Variants in GPC5 observed in about 807,000 individuals in gnomAD.
The protein encoded by GPC5 is glypican-5.
A neutral mutation model predicts 53.9 loss-of-function variants in GPC5; 47 were observed. The observed-to-expected ratio is 0.87, with a 90% confidence interval of 0.69 to 1.11. The LOEUF is 1.11. Among genes scored for constraint, GPC5 ranks in the 50% most tolerant of loss-of-function variants. The pLI, the probability that GPC5 is intolerant of heterozygous loss-of-function variation, is 0.00. For missense variants in GPC5, 748 were observed against 713.1 expected (o/e 1.05, Z -0.56); for synonymous variants, 286 against 263.3 (o/e 1.09, Z -0.84).
chr13:92,494,863 T>G (rs1879911048), intron 7 of GPC5, among the ~76,000 whole-genome samples: 2 of 152,192 alleles, frequency 1.3e-5, no homozygotes, highest in African/African-American at 4.8e-5. Context: ...TTTCTTCCTA[T>G]CAACCAAAAT....
At chr13:91,548,896 C>T (rs965231684) in intron 2 of GPC5, among the ~76,000 whole-genome samples, 2 of 152,096 alleles carry the variant, frequency 1.3e-5, no homozygotes, top group Non-Finnish European at 2.9e-5. Context: ...TGGACATCCA[C>T]ATGTGGAAAA....
intron 3 of GPC5, among the ~76,000 whole-genome samples, chr13:91,695,470 T>G (rs113633576): frequency 4.6e-5 from 7 of 152,222 alleles, no homozygotes; most frequent in African/African-American, 1.7e-4. Context: ...GCCTTCCGGG[T>G]TCATGCCATT....
chr13:92,064,452 T>A (rs993412450), intron 6 of GPC5, among the ~76,000 whole-genome samples: 9 of 152,064 alleles, frequency 5.9e-5, no homozygotes, highest in Non-Finnish European at 8.8e-5. Flanking sequence ...AGGAGAAGCT[T>A]AGAGATTTTA....
intron 7 of GPC5, among the ~76,000 whole-genome samples, chr13:92,259,828 A>G (rs926277289): frequency 6.6e-6 from 1 of 152,184 alleles, no homozygotes; most frequent in Non-Finnish European, 1.5e-5. Flanking sequence ...GTAACCCTGC[A>G]GATCAGAAAT....
At chr13:92,806,445 A>G (rs1413970775) in intron 7 of GPC5, among the ~76,000 whole-genome samples, 8 of 152,008 alleles carry the variant, frequency 5.3e-5, no homozygotes, top group Non-Finnish European at 2.9e-5. Flanking sequence ...ATTTCCTTCA[A>G]GGACTTTTCC....
intron 1 of GPC5, among the ~76,000 whole-genome samples, chr13:91,430,029 G>A (rs1411601596): frequency 1.3e-5 from 2 of 152,092 alleles, no homozygotes; most frequent in Non-Finnish European, 2.9e-5. Flanking sequence ...TAGGGAACAG[G>A]CCAAAATGCT....
At chr13:92,307,441 G>A (rs1419498199) in intron 7 of GPC5, among the ~76,000 whole-genome samples, 1 of 152,162 alleles carries the variant, frequency 6.6e-6, no homozygotes, top group Non-Finnish European at 1.5e-5. Flanking sequence ...GCAATAGTTG[G>A]AGACTCTGTC....
In GPC5 at chr13:91,695,500, C is replaced by T. The variant is rs9589337; in HGVS notation, c.1020+1619C>T. Among the ~76,000 whole-genome samples the T allele has an allele frequency of 6.5e-3, 993 of 152,114 alleles. 9 individuals are homozygous for T. Among genetic ancestry groups the T allele is most frequent in the African/African-American group, 0.023 (946 of 41,518 alleles). On this transcript the variant is annotated intron_variant, in intron 3 of 7. Coordinates refer to ENST00000377067, the MANE Select transcript of GPC5 (RefSeq NM_004466.6). ...GCCATTCTCCCGCCTCAGCCTCCCA[C>T]GTAGCTGGGACTACAGGTGCCCACT...
At chr13:92,088,930 A>G (rs954007286) in intron 6 of GPC5, among the ~76,000 whole-genome samples, 20 of 152,162 alleles carry the variant, frequency 1.3e-4, no homozygotes, top group Middle Eastern at 3.2e-3. Flanking sequence ...AAACAATAAA[A>G]AAGAATTTAA....
Position 92,324,566 on chromosome 13 carries a change from C to T in GPC5, c.1561+179577C>T, listed in dbSNP as rs1455181169. Among the ~76,000 whole-genome samples the T allele has an allele frequency of 4.6e-5, 7 of 151,816 alleles. No individual in the cohort carries two copies. In the East Asian group the frequency reaches 1.4e-3, roughly 29 times the overall value. ...TTCATGTTTTAATAACGATAAAATA[C>T]TTTAAATGTCTGGCTGGCATAATAA... On this transcript the variant is annotated intron_variant, in intron 7 of 7. Coordinates refer to ENST00000377067, the MANE Select transcript of GPC5 (RefSeq NM_004466.6).
In GPC5 at chr13:92,416,832, C is replaced by A. The variant is rs543949147; in HGVS notation, c.1561+271843C>A. The stretch of plus-strand genomic sequence containing the variant: ...TCTAAAACCTGTATCTGATAAGAAA[C>A]TCATATGTAGGACATACAAAGAAAT... On this transcript the variant is annotated intron_variant, in intron 7 of 7. Coordinates refer to ENST00000377067, the MANE Select transcript of GPC5 (RefSeq NM_004466.6). Among the ~76,000 whole-genome samples, 12 of 152,142 alleles carry A rather than the reference C, an allele frequency of 7.9e-5. No individual in the cohort carries two copies. The South Asian group carries it at 2.3e-3, about 29-fold the overall frequency.
intron 7 of GPC5, among the ~76,000 whole-genome samples, chr13:92,606,136 G>T (rs549867110): frequency 6.6e-6 from 1 of 151,666 alleles, no homozygotes; most frequent in African/African-American, 2.4e-5. Context: ...TGTACACAAC[G>T]TGCAGGTTTG....
At chr13:91,737,936 G>A (rs1433182114) in intron 4 of GPC5, among the ~76,000 whole-genome samples, 1 of 151,330 alleles carries the variant, frequency 6.6e-6, no homozygotes, top group African/African-American at 2.5e-5. Flanking sequence ...ATATAGGAAT[G>A]GGAGTCCCAC....
chr13:92,597,744 A>T (rs533505696), intron 7 of GPC5, among the ~76,000 whole-genome samples: 4 of 152,372 alleles, frequency 2.6e-5, no homozygotes, highest in African/African-American at 4.8e-5. Context: ...AAAAGATAGG[A>T]ACCAAAACTT....
At chr13:92,093,029 T>C (rs1309315929) in intron 6 of GPC5, among the ~76,000 whole-genome samples, 1 of 152,176 alleles carries the variant, frequency 6.6e-6, no homozygotes, top group African/African-American at 2.4e-5. Context: ...ATTTACACAG[T>C]TGTGAAACAG....
intron 7 of GPC5, among the ~76,000 whole-genome samples, chr13:92,704,485 T>G (rs1403164494): frequency 6.6e-6 from 1 of 152,054 alleles, no homozygotes; most frequent in African/African-American, 2.4e-5. Flanking sequence ...GAAGATGATT[T>G]TCCCAATTGG....
At chr13:92,349,971 C>T (rs1035811019) in intron 7 of GPC5, among the ~76,000 whole-genome samples, 8 of 152,046 alleles carry the variant, frequency 5.3e-5, no homozygotes, top group African/African-American at 1.9e-4. Context: ...TGAACATAGA[C>T]ATAAAAATCC....
intron 7 of GPC5, among the ~76,000 whole-genome samples, chr13:92,508,185 A>C (rs1880442072): frequency 2.0e-5 from 3 of 152,114 alleles, no homozygotes; most frequent in African/African-American, 7.2e-5. Context: ...GATGGTCTTG[A>C]TCCCATGACT....
chr13:91,904,144 T>C lies in GPC5; in HGVS notation c.1281-3793T>C, dbSNP rs192758841. Among the ~76,000 whole-genome samples, 322 of 142,796 alleles carry C rather than the reference T, an allele frequency of 2.3e-3. 2 individuals carry two copies. Among genetic ancestry groups the C allele is most frequent in the African/African-American group, 3.9e-3 (152 of 38,836 alleles). The allele number at this position is 142,796 out of a possible 152,430, so 93.7% of individuals were successfully genotyped here. A position where few individuals can be genotyped will look rare whatever the true frequency, so the allele number is the denominator to read the frequency against. On this transcript the variant is annotated intron_variant, in intron 5 of 7. Transcript: ENST00000377067. ...TAGTTTTACTTTCTTTTCTTTCTTT[T>C]TTTTTTTTTTTTTTTTTAAGGCAGG...
Sources: allele counts gnomAD v4.1 joint callset (sites outside exome capture counted in the v4.1 genomes callset), GRCh38; gene constraint gnomAD v4.1.1; transcripts MANE v1.5; gene names NCBI Gene and HGNC (gene_info 2026-07-23, HGNC 2026-07-21).